The following CEP85L variants were observed in gnomAD, a reference collection of about 807,000 sequenced individuals.
CEP85L encodes centrosomal protein of 85 kDa-like.
CEP85L carries 60 observed loss-of-function variants against 100.3 expected under a neutral mutation model. The observed-to-expected ratio is 0.60, with a 90% CI of 0.49 to 0.74. CEP85L has a LOEUF of 0.74. Ranked by LOEUF, CEP85L falls within the 30% of genes least tolerant of loss-of-function variation. The pLI is 0.00. For synonymous variants in CEP85L, 319 were observed against 322.7 expected, an observed-to-expected ratio of 0.99 and a Z score of 0.12; for missense variants, 973 against 936.2, an observed-to-expected ratio of 1.04 and a Z score of -0.51.
intron 2 of CEP85L, among the ~76,000 whole-genome samples, chr6:118,625,901 T>C (rs1254622167): frequency 7.7e-6 from 1 of 130,430 alleles, no homozygotes; most frequent in Non-Finnish European, 1.7e-5. Flanking sequence ...GCCTTACAAA[T>C]GGAACCTCAA....
intron 6 of CEP85L, among the ~76,000 whole-genome samples, chr6:118,487,526 T>TG (rs1377004681): frequency 6.6e-6 from 1 of 152,214 alleles, no homozygotes; most frequent in Non-Finnish European, 1.5e-5. Flanking sequence ...TATTGTACTC[T>TG]GGGTGAATGC....
At chr6:118,569,686 T>G (rs1779770439) in intron 2 of CEP85L, among the ~76,000 whole-genome samples, 1 of 151,740 alleles carries the variant, frequency 6.6e-6, no homozygotes, top group South Asian at 2.1e-4. Flanking sequence ...AAATGTTAGT[T>G]ATTATGATGT....
At chr6:118,505,097 A>C (rs1333404127) in intron 5 of CEP85L, among the ~76,000 whole-genome samples, 3 of 152,078 alleles carry the variant, frequency 2.0e-5, no homozygotes, top group Non-Finnish European at 4.4e-5. Flanking sequence ...TTAATTTTGT[A>C]GTCAGCCTAA....
In CEP85L at chr6:118,558,990, A is replaced by G. The variant is rs775923421; in HGVS notation, c.1020+6539T>C. ...CCTCAACCATTGAAATGCCTCAACA[A>G]GCACGTCAAAAGCTACAGAATCTAT... is the stretch of plus-strand genomic sequence containing the variant. On this transcript the variant is annotated intron_variant, in intron 3 of 12. Coordinates refer to ENST00000368491, the MANE Select transcript of CEP85L (RefSeq NM_001042475.3). 2.5e-6 allele frequency: 4 copies of G among 1,611,440 alleles called. No individual in the cohort carries two copies. The East Asian group carries it at 6.7e-5, about 27-fold the overall frequency.
chr6:118,689,535 T>G (rs1387869361), intron 1 of CEP85L, among the ~76,000 whole-genome samples: 1 of 152,244 alleles, frequency 6.6e-6, no homozygotes, highest in Non-Finnish European at 1.5e-5. Context: ...GTTTTTTGCT[T>G]CATTAGATTT....
At chr6:118,697,590 T>C (rs1562364716) in intron 1 of CEP85L, among the ~76,000 whole-genome samples, 1 of 152,216 alleles carries the variant, frequency 6.6e-6, no homozygotes, top group Non-Finnish European at 1.5e-5. Context: ...CAGAGCTATA[T>C]GTAAACTATG....
At chr6:118,583,900 T>C (rs1562283649) in intron 2 of CEP85L, among the ~76,000 whole-genome samples, 3 of 152,204 alleles carry the variant, frequency 2.0e-5, no homozygotes, top group Non-Finnish European at 2.9e-5. Flanking sequence ...TTAACTCAAA[T>C]ACCTGAGGGA....
chr6:118,657,776 GA>G (rs1364182616), intron 1 of CEP85L, among the ~76,000 whole-genome samples: 1 of 152,156 alleles, frequency 6.6e-6, no homozygotes, highest in Non-Finnish European at 1.5e-5. Flanking sequence ...GTACTTCCAG[GA>G]GCAAATTACA....
chr6:118,671,457 TA>T (rs138566347), intron 1 of CEP85L, among the ~76,000 whole-genome samples: 1,776 of 152,148 alleles, frequency 0.012, 47 homozygotes, highest in African/African-American at 0.041. Context: ...CTACTGTTAA[TA>T]AAAAAAATTA....
chr6:118,667,677 C>A (rs1260417169), intron 1 of CEP85L, among the ~76,000 whole-genome samples: 1 of 152,164 alleles, frequency 6.6e-6, no homozygotes, highest in Admixed American at 6.5e-5. Flanking sequence ...TCTCTATTCA[C>A]AAGGGACTAA....
At chr6:118,549,772 C>T (rs1248235006) in intron 3 of CEP85L, among the ~76,000 whole-genome samples, 1 of 151,724 alleles carries the variant, frequency 6.6e-6, no homozygotes, top group African/African-American at 2.4e-5. Flanking sequence ...ATTGGGTGTT[C>T]ACGAGTTATT....
At chr6:118,481,558 A>G (rs9489409) in intron 8 of CEP85L, among the ~76,000 whole-genome samples, 25,262 of 152,072 alleles carry the variant, frequency 0.17, 2,259 homozygotes, top group Non-Finnish European at 0.19. Flanking sequence ...TCAGAATTAG[A>G]AATGCTCAGT....
intron 3 of CEP85L, among the ~76,000 whole-genome samples, chr6:118,546,269 CTG>C (rs1778195585): frequency 6.6e-6 from 1 of 152,158 alleles, no homozygotes; most frequent in Admixed American, 6.5e-5. Flanking sequence ...CATTTTCCAA[CTG>C]TGTCACACAC....
At chr6:118,646,045 T>C (rs1775164292) in intron 1 of CEP85L, among the ~76,000 whole-genome samples, 1 of 152,030 alleles carries the variant, frequency 6.6e-6, no homozygotes, top group African/African-American at 2.4e-5. Context: ...TGTGAAATCC[T>C]GTCTCTACTA....
upstream of CEP85L, among the ~76,000 whole-genome samples, chr6:118,654,678 G>A (rs1775714440): frequency 6.6e-6 from 1 of 152,184 alleles, no homozygotes; most frequent in South Asian, 2.1e-4. Context: ...TGGATCCCTG[G>A]CAGGTAGAAT....
chr6:118,513,679 A>G (rs570106208), intron 4 of CEP85L, among the ~76,000 whole-genome samples: 1 of 152,264 alleles, frequency 6.6e-6, no homozygotes, highest in Non-Finnish European at 1.5e-5. Flanking sequence ...TATTTTTTTA[A>G]AGGTTAAATA....
At chr6:118,481,360 G>A (rs1309521629) in intron 8 of CEP85L, among the ~76,000 whole-genome samples, 2 of 151,172 alleles carry the variant, frequency 1.3e-5, no homozygotes, top group African/African-American at 4.9e-5. Context: ...TCAATATATT[G>A]CTTCAAAATG....
chr6:118,465,375 G>A lies in CEP85L; in HGVS notation c.*30C>T. ...ATAACACAGCAGCATTTAAACAACA[G>A]GTCATTATTGCTGTGGGACTAACAC... On this transcript the variant is annotated 3_prime_UTR_variant, in exon 13 of 13. Coordinates refer to ENST00000368491, the MANE Select transcript of CEP85L (RefSeq NM_001042475.3). The A allele has an allele frequency of 1.2e-6, 2 of 1,601,504 alleles. No homozygotes were observed. The highest frequency in any genetic ancestry group is 1.7e-6 in the Non-Finnish European group (2 of 1,171,922).
At chr6:118,542,655 T>C (rs981407331) in intron 3 of CEP85L, among the ~76,000 whole-genome samples, 2 of 151,834 alleles carry the variant, frequency 1.3e-5, no homozygotes, top group Non-Finnish European at 2.9e-5. Flanking sequence ...ACAGTTCCAA[T>C]TCAACTCCTC....
Sources: gnomAD v4.1 joint callset for allele counts (sites outside exome capture counted in the v4.1 genomes callset) on GRCh38, gnomAD v4.1.1 for gene constraint, MANE v1.5 for transcripts, NCBI Gene and HGNC (gene_info 2026-07-23, HGNC 2026-07-21) for gene names.